COL21A1: variants seen among roughly 807,000 people sequenced by gnomAD.
COL21A1 encodes collagen alpha-1(XXI) chain.
A neutral mutation model predicts 137.9 loss-of-function variants in COL21A1; 149 were observed. The observed-to-expected ratio is 1.08, with a 90% CI of 0.95 to 1.24. The LOEUF is 1.24. Among genes scored for constraint, COL21A1 ranks in the 50% most tolerant of loss-of-function variants. COL21A1 has a pLI of 0.00. For missense variants in COL21A1, 1,167 were observed against 1,158.4 expected (o/e 1.01, Z -0.11); for synonymous variants, 456 against 391.5 (o/e 1.16, Z -1.95).
At chr6:56,137,731 C>T (rs1430107475) in intron 12 of COL21A1, among the ~76,000 whole-genome samples, 1 of 151,296 alleles carries the variant, frequency 6.6e-6, no homozygotes, top group Non-Finnish European at 1.5e-5. Context: ...ATAATACCAA[C>T]AGAAAAAAGA....
At chr6:56,135,625 A>T (rs944167550) in intron 12 of COL21A1, among the ~76,000 whole-genome samples, 1 of 152,170 alleles carries the variant, frequency 6.6e-6, no homozygotes, top group Non-Finnish European at 1.5e-5. Context: ...TAAACTCATG[A>T]AAAACTACTG....
chr6:56,373,405 C>A (rs958291750), intron 1 of COL21A1, among the ~76,000 whole-genome samples: 1 of 152,124 alleles, frequency 6.6e-6, no homozygotes, highest in African/African-American at 2.4e-5. Context: ...AGTTCAAGAC[C>A]AGCCTGGCCA....
chr6:56,263,536 G>A (rs1763330712), intron 1 of COL21A1, among the ~76,000 whole-genome samples: 1 of 152,182 alleles, frequency 6.6e-6, no homozygotes, highest in South Asian at 2.1e-4. Flanking sequence ...AGGTGAAAAA[G>A]ATGCCTAAGC....
intron 1 of COL21A1, among the ~76,000 whole-genome samples, chr6:56,206,576 G>T (rs867232664): frequency 2.6e-5 from 4 of 151,502 alleles, no homozygotes; most frequent in African/African-American, 9.7e-5. Context: ...ATATTAGACA[G>T]ATCAATGAGA....
chr6:56,255,344 T>C (rs978979155), intron 1 of COL21A1, among the ~76,000 whole-genome samples: 1 of 142,130 alleles, frequency 7.0e-6, no homozygotes, highest in Non-Finnish European at 1.5e-5. Context: ...GGTGTGTGTG[T>C]GTGTGTGTGT....
chr6:56,325,618 TAATA>T (rs1236659690), intron 1 of COL21A1, among the ~76,000 whole-genome samples: 3 of 864 alleles, frequency 3.5e-3, no homozygotes, highest in East Asian at 0.5. Context: ...CTATTATATA[TAATA>T]ATCTATTATA....
intron 1 of COL21A1, among the ~76,000 whole-genome samples, chr6:56,255,334 G>GGTGTGT (rs71783697): frequency 0.034 from 4,915 of 145,500 alleles, 131 homozygotes; most frequent in African/African-American, 0.067. Context: ...TTGTTAAGAG[G>GGTGTGT]GTGTGTGTGT....
intron 1 of COL21A1, among the ~76,000 whole-genome samples, chr6:56,321,761 C>A (rs552808219): frequency 6.6e-6 from 1 of 151,996 alleles, no homozygotes; most frequent in Non-Finnish European, 1.5e-5. Flanking sequence ...TTGACAATGA[C>A]CAACTGAGAG....
At chr6:56,176,645 G>A (rs145964691) in intron 3 of COL21A1, among the ~76,000 whole-genome samples, 1 of 148,450 alleles carries the variant, frequency 6.7e-6, no homozygotes, top group Non-Finnish European at 1.5e-5. Flanking sequence ...GGGGGGGAAG[G>A]AGGAAGAAAG....
At chr6:56,374,780 T>A (rs1164502715) in intron 1 of COL21A1, among the ~76,000 whole-genome samples, 3 of 152,008 alleles carry the variant, frequency 2.0e-5, no homozygotes, top group Non-Finnish European at 4.4e-5. Context: ...TTGGAATGTT[T>A]GTAAAAAAGA....
intron 1 of COL21A1, among the ~76,000 whole-genome samples, chr6:56,319,450 G>A (rs1374193521): frequency 6.6e-6 from 1 of 152,098 alleles, no homozygotes; most frequent in Non-Finnish European, 1.5e-5. Context: ...AAATTCTCTT[G>A]CCTCAGCTTC....
intron 17 of COL21A1, among the ~76,000 whole-genome samples, chr6:56,093,715 G>A (rs56124206): frequency 0.01 from 1,590 of 152,168 alleles, 24 homozygotes; most frequent in African/African-American, 0.037. Context: ...AATTTTGAGC[G>A]TCCAACAGCC....
intron 28 of COL21A1, 122 bp from the exon 29 acceptor site, chr6:56,059,364 A>G: frequency 3.4e-6 from 2 of 594,566 alleles, no homozygotes; most frequent in Non-Finnish European, 5.6e-6. Context: ...CTTGCCATCT[A>G]TTTTTTCTTA....
intron 1 of COL21A1, among the ~76,000 whole-genome samples, chr6:56,193,766 T>G (rs1218867624): frequency 1.8e-5 from 2 of 111,652 alleles, no homozygotes; most frequent in South Asian, 3.5e-4. Flanking sequence ...TTTTGTTTTT[T>G]TTTTTTTTTG....
intron 1 of COL21A1, among the ~76,000 whole-genome samples, chr6:56,345,241 C>T (rs920202950): frequency 1.3e-5 from 2 of 152,164 alleles, no homozygotes; most frequent in African/African-American, 4.8e-5. Flanking sequence ...AGTAGAAAGA[C>T]ACTCCCAAAA....
chr6:56,348,996 AC>A (rs1475829419), intron 1 of COL21A1, among the ~76,000 whole-genome samples: 1 of 152,216 alleles, frequency 6.6e-6, no homozygotes, highest in East Asian at 1.9e-4. Flanking sequence ...AAGATGCTAA[AC>A]ATGTCTCTGT....
chr6:56,299,111 T>C (rs1208625175), intron 1 of COL21A1, among the ~76,000 whole-genome samples: 1 of 152,118 alleles, frequency 6.6e-6, no homozygotes, highest in Non-Finnish European at 1.5e-5. Flanking sequence ...AAACTGTTGC[T>C]TTTTAGATGT....
intron 10 of COL21A1, among the ~76,000 whole-genome samples, chr6:56,151,458 A>G (rs962870397): frequency 2.1e-4 from 32 of 152,214 alleles, no homozygotes; most frequent in African/African-American, 7.2e-4. Flanking sequence ...TAATGTTAAA[A>G]TTGTAAAGCA....
chr6:56,142,299 C>T (rs2076475), intron 10 of COL21A1, among the ~76,000 whole-genome samples: 9,363 of 152,214 alleles, frequency 0.062, 362 homozygotes, highest in Admixed American at 0.1. Flanking sequence ...ATACATTCAA[C>T]ATATCCAAGA....
Sources: gnomAD v4.1 joint callset for allele counts (sites outside exome capture counted in the v4.1 genomes callset) on GRCh38, gnomAD v4.1.1 for gene constraint, MANE v1.5 for transcripts, NCBI Gene and HGNC (gene_info 2026-07-23, HGNC 2026-07-21) for gene names.